Variants in SMG8 observed in about 807,000 individuals in gnomAD.
The protein encoded by SMG8 is nonsense-mediated mRNA decay factor SMG8.
A neutral mutation model predicts 82.1 loss-of-function variants in SMG8; 49 were observed. The observed-to-expected ratio is 0.60, with a 90% CI of 0.47 to 0.76. The LOEUF (loss-of-function observed/expected upper bound fraction) is 0.76. Among genes scored for constraint, SMG8 ranks in the 30% least tolerant of loss-of-function variants. The pLI, the probability that SMG8 is intolerant of heterozygous loss-of-function variation, is 0.00. For synonymous variants in SMG8, 404 were observed against 430.0 expected, an observed-to-expected ratio of 0.94 and a Z score of 0.75; for missense variants, 969 against 1,166.4, an observed-to-expected ratio of 0.83 and a Z score of 2.46.
rs781090088 is a variant in SMG8 at position 59,210,452 on chromosome 17, A to ACTACAGCCTTCTGCAGGC, written c.406_423dup (p.Ser136_Tyr141dup). 2.4e-5 allele frequency: 38 copies of ACTACAGCCTTCTGCAGGC among 1,606,794 alleles called. No individual in the cohort carries two copies. In the Admixed American group the frequency reaches 2.6e-4, roughly 11 times the overall value. ...AACCGAACTGAGGCAGGCTCCCAGGACTACAGCCTTCTGCAGGCCTACTAC... is the reference window on the plus strand; with the variant it reads ...AACCGAACTGAGGCAGGCTCCCAGGACTACAGCCTTCTGCAGGCCTACAGCCTTCTGCAGGCCTACTAC... On this transcript the variant is annotated inframe_insertion, in exon 1 of 4. Coordinates refer to ENST00000300917, the MANE Select transcript of SMG8 (RefSeq NM_018149.7).
At chr17:59,212,596 A>C (rs1383108657) in intron 2 of SMG8, 110 bp downstream of exon 2, 1 of 1,457,498 alleles carries the variant, frequency 6.9e-7, no homozygotes, top group Non-Finnish European at 9.3e-7. Context: ...ATGCAACTGC[A>C]GTATAATATA....
In SMG8 at chr17:59,213,575, C is replaced by T; in HGVS notation, c.2752C>T (p.Pro918Ser). 1 of 1,612,548 alleles carries T rather than the reference C, an allele frequency of 6.2e-7. No individual in the cohort carries two copies. The highest frequency in any genetic ancestry group is 1.1e-5 in the South Asian group (1 of 90,760). ...MRLFVVVPDAPLQIILMPQVQ... is the reference protein window; with the variant it reads ...MRLFVVVPDASLQIILMPQVQ... ...GCTTTTTGTTGTGGTTCCTGATGCT[C>T]CTTTGCAGATAATACTAATGCCTCA... is the stretch of plus-strand genomic sequence containing the variant. Residue 918 changes from proline to serine, a missense_variant, in exon 3 of 4, where the codon CCT becomes TCT. Transcript: ENST00000300917.
Position 59,211,122 on chromosome 17 carries a change from T to G in SMG8, c.1071T>G (p.Ser357Arg). The change falls in exon 1 of 4, where the codon AGT (serine) becomes AGG (arginine). Residue 357 changes from serine (S) to arginine (R), a missense_variant. Ser to Arg is a moderately radical substitution (Grantham distance 110). This residue lies in a region of SMG8 where 662 missense variants were observed against 884.8 expected (regional missense o/e 0.75). Coordinates refer to ENST00000300917, the MANE Select transcript of SMG8 (RefSeq NM_018149.7). ...GTATGTTGCTGGACCAACTTAGGAG[T>G]CATTGTACTGTGAAGGACCCGGAAT... is the stretch of plus-strand genomic sequence containing the variant. ...PVGMLLDQLRSHCTVKDPESL... is the reference protein window; with the variant it reads ...PVGMLLDQLRRHCTVKDPESL... The G allele has an allele frequency of 6.2e-7, 1 of 1,613,676 alleles. No individual in the cohort carries two copies. The highest frequency in any genetic ancestry group is 8.5e-7 in the Non-Finnish European group (1 of 1,179,902).
At position 59,214,403 on chromosome 17, in the gene SMG8, TTTTA is replaced by T. The variant is rs1345641209; in HGVS notation, c.2779-390_2779-387del. ...CATATCTGCTTAATCTTATATATTC[TTTTA>T]TTTATTTATTTGTTTGTTTTTTTGA... On this transcript the variant is annotated intron_variant, in intron 3 of 3. Coordinates refer to ENST00000300917, the MANE Select transcript of SMG8 (RefSeq NM_018149.7). 5.9e-5 allele frequency among the ~76,000 whole-genome samples: 9 copies of T among 152,254 alleles called. No homozygotes were observed. In the South Asian group the frequency reaches 1.7e-3, roughly 28 times the overall value.
chr17:59,213,197 A>T lies in SMG8; in HGVS notation c.2374A>T (p.Thr792Ser). The T allele has an allele frequency of 6.2e-7, 1 of 1,614,222 alleles. No homozygotes were observed. The highest frequency in any genetic ancestry group is 8.5e-7 in the Non-Finnish European group (1 of 1,180,044). Residue 792 changes from threonine (T) to serine (S), a missense_variant, in exon 3 of 4, where the codon ACA becomes TCA. Coordinates refer to ENST00000300917, the MANE Select transcript of SMG8 (RefSeq NM_018149.7). ...GGACCAACAGGGCTTTATTCCAGGA[A>T]CAAATTATCTTATGCCTTGGGACAT... ...GLDQQGFIPG[T>S]NYLMPWDIVI...
chr17:59,214,415 AT>A (rs2046958628), intron 3 of SMG8, among the ~76,000 whole-genome samples: 1 of 151,416 alleles, frequency 6.6e-6, no homozygotes, highest in Non-Finnish European at 1.5e-5. Context: ...TTATTTATTT[AT>A]TTGTTTGTTT....
chr17:59,212,474 T>C lies in SMG8; in HGVS notation c.1893T>C (p.Tyr631=), dbSNP rs1422347127. 1.2e-6 allele frequency: 2 copies of C among 1,604,476 alleles called. No homozygotes were observed. The highest frequency in any genetic ancestry group is 1.1e-5 in the South Asian group (1 of 90,428). The part of the protein sequence containing the change: ...DDPFDIKAAN[Y]DFYQLLEEKC... Reference sequence around the variant, plus strand: ...CCTTTGATATCAAAGCAGCCAATTATGACTTCTATCAGGTAGACTCTGAAT... The same window carrying C: ...CCTTTGATATCAAAGCAGCCAATTACGACTTCTATCAGGTAGACTCTGAAT... The change falls in exon 2 of 4, where the codon TAT becomes TAC. Residue 631 remains tyrosine, a synonymous_variant. Transcript: ENST00000300917.
chr17:59,210,790 G>C lies in SMG8; in HGVS notation c.739G>C (p.Asp247His). ...GCCGCTCCTTAAAACAGCCATTAAG[G>C]ATTGTCCAGTTGGCAAAGACTGGAA... ...VLPLLKTAIK[D>H]CPVGKDWKLN... Residue 247 changes from aspartate (D) to histidine (H), a missense_variant, in exon 1 of 4, where the codon GAT becomes CAT. Transcript: ENST00000300917. The C allele has an allele frequency of 6.2e-7, 1 of 1,614,164 alleles. No individual in the cohort carries two copies. The highest frequency in any genetic ancestry group is 8.5e-7 in the Non-Finnish European group (1 of 1,180,046).
Position 59,210,698 on chromosome 17 carries a change from C to T in SMG8, c.647C>T (p.Thr216Ile), listed in dbSNP as rs755029379. The T allele has an allele frequency of 7.4e-6, 12 of 1,614,044 alleles. No homozygotes were observed. In the South Asian group the frequency reaches 9.9e-5, roughly 13 times the overall value. ...CATATCTTGCTTCTGGTCCATCCCA[C>T]TTGTTCCTTTGATATCACTTATGAT... ...VCHILLLVHPTCSFDITYDRV... is the reference protein window; with the variant it reads ...VCHILLLVHPICSFDITYDRV... Residue 216 changes from threonine to isoleucine, a missense_variant, in exon 1 of 4, where the codon ACT (threonine) becomes ATT (isoleucine). Physicochemically the swap from Thr to Ile is moderately conservative, Grantham distance 89. Coordinates refer to ENST00000300917, the MANE Select transcript of SMG8 (RefSeq NM_018149.7).
chr17:59,210,937 C>T lies in SMG8; in HGVS notation c.886C>T (p.Pro296Ser). 2 of 1,614,190 alleles carry T rather than the reference C, an allele frequency of 1.2e-6. No homozygotes were observed. The highest frequency in any genetic ancestry group is 1.7e-6 in the Non-Finnish European group (2 of 1,180,032). ...AHPDKPKKHS[P>S]KRRLQHALED... ...TCCAGACAAGCCCAAGAAACATTCTCCCAAAAGGAGGCTGCAGCATGCCCT... is the reference window on the plus strand; with the variant it reads ...TCCAGACAAGCCCAAGAAACATTCTTCCAAAAGGAGGCTGCAGCATGCCCT... Residue 296 changes from proline to serine, a missense_variant, in exon 1 of 4, where the codon CCC becomes TCC. Physicochemically the swap from Pro to Ser is moderately conservative, Grantham distance 74. Around this residue, in one of 3 missense-constraint regions of SMG8, gnomAD observed 662 missense variants for 884.8 expected, o/e 0.75. Coordinates refer to ENST00000300917, the MANE Select transcript of SMG8 (RefSeq NM_018149.7).
At position 59,212,391 on chromosome 17, in the gene SMG8, C is replaced by T. The variant is rs775555002; in HGVS notation, c.1810C>T (p.Arg604Ter). The part of the protein sequence containing the change: ...RNPPVLYHNS[R>*]ARSTGACNCG... ...TCCGCCTGTGCTATATCACAATAGC[C>T]GAGCTCGATCTACTGGTGCTTGCAA... is the stretch of plus-strand genomic sequence containing the variant. The change falls in exon 2 of 4, where the codon CGA becomes TGA. Residue 604 changes from arginine (R) to a stop codon, truncating the protein, a stop_gained. Transcript: ENST00000300917. LOFTEE classifies it high-confidence loss of function. 4.4e-6 allele frequency: 7 copies of T among 1,606,524 alleles called. No homozygotes were observed. The highest frequency in any genetic ancestry group is 1.1e-5 in the South Asian group (1 of 90,326).
chr17:59,214,442 G>A (rs1214050478), intron 3 of SMG8, among the ~76,000 whole-genome samples: 3 of 151,812 alleles, frequency 2.0e-5, no homozygotes, highest in East Asian at 3.9e-4. Context: ...AGACAGTCTC[G>A]CTCTGTTGCA....
chr17:59,214,356 C>T (rs2046958099), intron 3 of SMG8, among the ~76,000 whole-genome samples: 1 of 151,944 alleles, frequency 6.6e-6, no homozygotes, highest in Non-Finnish European at 1.5e-5. Context: ...CTATTGGATA[C>T]AATTAGAGTT....
intron 3 of SMG8, among the ~76,000 whole-genome samples, chr17:59,214,218 C>T (rs191861228): frequency 4.3e-4 from 65 of 151,874 alleles, no homozygotes; most frequent in African/African-American, 1.4e-3. Flanking sequence ...AACCTGTAAG[C>T]GGAGGTTGCA....
intron 1 of SMG8, 154 bp from the exon 2 acceptor site, chr17:59,212,181 CTTTACA>C (rs1710454805): frequency 5.8e-6 from 3 of 519,322 alleles, no homozygotes; most frequent in South Asian, 1.2e-4. Flanking sequence ...AAACTCTAAA[CTTTACA>C]TTTATAATAT....
rs1439699870 is a variant in SMG8 at position 59,213,393 on chromosome 17, G to A, written c.2570G>A (p.Arg857Gln). The change falls in exon 3 of 4, where the codon CGG (arginine) becomes CAG (glutamine). Residue 857 changes from arginine to glutamine, a missense_variant. By Grantham distance (43) the Arg-to-Gln change is conservative. Coordinates refer to ENST00000300917, the MANE Select transcript of SMG8 (RefSeq NM_018149.7). Reference sequence around the variant, plus strand: ...TTTGAATATGAAGACTCTCGAGGTCGGAGATTCATGTGCTCTGGGCCTGAC... The same window carrying A: ...TTTGAATATGAAGACTCTCGAGGTCAGAGATTCATGTGCTCTGGGCCTGAC... ...VGFEYEDSRG[R>Q]RFMCSGPDKV... is the part of the protein sequence containing the mutation. 2.4e-5 allele frequency: 39 copies of A among 1,614,016 alleles called. No homozygotes were observed. The highest frequency in any genetic ancestry group is 3.0e-5 in the Non-Finnish European group (35 of 1,180,038).
Position 59,210,899 on chromosome 17 carries a change from A to G in SMG8, c.848A>G (p.Gln283Arg). The G allele has an allele frequency of 6.2e-7, 1 of 1,614,188 alleles. No homozygotes were observed. Among genetic ancestry groups the G allele is most frequent in the South Asian group, 1.1e-5 (1 of 91,086 alleles). Residue 283 changes from glutamine to arginine, a missense_variant, in exon 1 of 4, where the codon CAA (glutamine) becomes CGA (arginine). Gln to Arg is a conservative substitution (Grantham distance 43). This residue lies in a region of SMG8 where 662 missense variants were observed against 884.8 expected (regional missense o/e 0.75). Coordinates refer to ENST00000300917, the MANE Select transcript of SMG8 (RefSeq NM_018149.7). ...GALKVEPPRNQDPAHPDKPKK... is the reference protein window; with the variant it reads ...GALKVEPPRNRDPAHPDKPKK... ...CTCAAGGTAGAACCTCCTCGGAACC[A>G]AGACCCAGCTCATCCAGACAAGCCC... is the stretch of plus-strand genomic sequence containing the variant.
At chr17:59,213,843 A>T (rs1458230516) in intron 3 of SMG8, among the ~76,000 whole-genome samples, 5 of 152,164 alleles carry the variant, frequency 3.3e-5, no homozygotes, top group Non-Finnish European at 7.3e-5. Flanking sequence ...AAATTAAAAA[A>T]CGAATTATTT....
Position 59,210,298 on chromosome 17 carries a change from CAAG to C in SMG8, c.249_251del (p.Gln83_Asp84delinsHis), listed in dbSNP as rs1246642056. 6.2e-7 allele frequency: 1 copy of C among 1,612,992 alleles called. No homozygotes were observed. Among genetic ancestry groups the C allele is most frequent in the Non-Finnish European group, 8.5e-7 (1 of 1,179,754 alleles). ...ACAGGTCTTTCCTCTCTTTCGCCAC[CAAG>C]ATCCTGGGGATCCAGGACCTGGAAT... is the stretch of plus-strand genomic sequence containing the variant. On this transcript the variant is annotated inframe_deletion, in exon 1 of 4. Transcript: ENST00000300917.
Sources: gnomAD v4.1 joint callset for allele counts (sites outside exome capture counted in the v4.1 genomes callset) on GRCh38, gnomAD v4.1.1 for gene constraint, gnomAD v4.1.1 regional missense constraint, MANE v1.5 for transcripts, NCBI Gene and HGNC (gene_info 2026-07-23, HGNC 2026-07-21) for gene names.